Variants in F5 observed in about 807,000 individuals in gnomAD.
The protein encoded by F5 is activated protein c cofactor.
Under a neutral mutation model 216.4 loss-of-function variants are expected in F5, and 138 were observed. The ratio of observed to expected loss-of-function variants is 0.64; its 90% CI spans 0.56 to 0.73. F5 has a LOEUF of 0.73. Among genes scored for constraint, F5 ranks in the 30% least tolerant of loss-of-function variants. The pLI, the probability that F5 is intolerant of heterozygous loss-of-function variation, is 0.00. For missense variants in F5, 2,403 were observed against 2,674.0 expected (o/e 0.90, Z 2.24); for synonymous variants, 916 against 930.7 (o/e 0.98, Z 0.29).
chr1:169,521,667 C>T (rs1475065810), intron 21 of F5, among the ~76,000 whole-genome samples: 1 of 140,058 alleles, frequency 7.1e-6, no homozygotes, highest in Non-Finnish European at 1.5e-5. Flanking sequence ...CGTCACCAGG[C>T]TGGAGTGCAG....
At chr1:169,516,903 C>G (rs966751) in intron 23 of F5, among the ~76,000 whole-genome samples, 8,201 of 152,082 alleles carry the variant, frequency 0.054, 348 homozygotes, top group Admixed American at 0.1. Flanking sequence ...CTTGTTATAT[C>G]ACAAAGACTA....
chr1:169,557,860 A>G lies in F5; in HGVS notation c.731-993T>C, dbSNP rs566566000. On this transcript the variant is annotated intron_variant, in intron 5 of 24. Transcript: ENST00000367797. ...GCTTATATTGAGTTCAGCAATTAAC[A>G]TATCTGTGTTAGCATTTATCATATG... Among the ~76,000 whole-genome samples, 27 of 152,262 alleles carry G rather than the reference A, an allele frequency of 1.8e-4. 1 individual carries two copies. Among genetic ancestry groups the G allele is most frequent in the Admixed American group, 1.2e-3 (19 of 15,296 alleles).
At chr1:169,552,823 C>A in intron 7 of F5, 89 bp from the exon 8 acceptor site, 1 of 955,388 alleles carries the variant, frequency 1.0e-6, no homozygotes, top group East Asian at 2.4e-5. Flanking sequence ...ACATTCTGCT[C>A]TTAGATTAGC....
chr1:169,523,139 T>C, intron 21 of F5, 58 bp downstream of exon 21: 2 of 1,585,778 alleles, frequency 1.3e-6, no homozygotes, highest in Non-Finnish European at 8.7e-7. Context: ...GGTATAGTCA[T>C]AATAATTCTA....
At chr1:169,527,577 T>C (rs1354073750) in intron 17 of F5, among the ~76,000 whole-genome samples, 1 of 152,176 alleles carries the variant, frequency 6.6e-6, no homozygotes, top group Non-Finnish European at 1.5e-5. Flanking sequence ...CCAGCAGAGA[T>C]AGCTGTAGCT....
intron 14 of F5, among the ~76,000 whole-genome samples, chr1:169,533,086 C>A (rs1027624983): frequency 1.3e-5 from 2 of 151,952 alleles, no homozygotes; most frequent in African/African-American, 4.8e-5. Context: ...CACTTACAAC[C>A]ACCTGAACTT....
intron 14 of F5, among the ~76,000 whole-genome samples, chr1:169,532,889 T>C (rs1659622216): frequency 6.6e-6 from 1 of 152,142 alleles, no homozygotes; most frequent in Non-Finnish European, 1.5e-5. Flanking sequence ...CTAAAATTCA[T>C]ATGGAATCAA....
chr1:169,540,928 G>C lies in F5; in HGVS notation c.4162C>G (p.Leu1388Val). Residue 1388 changes from leucine to valine, a missense_variant, in exon 13 of 25, where the codon CTC (leucine) becomes GTC (valine). Coordinates refer to ENST00000367797, the MANE Select transcript of F5 (RefSeq NM_000130.5). Reference protein sequence around the residue: ...ELSQTNLSPDLSEMPLFADLS... With the variant: ...ELSQTNLSPDVSEMPLFADLS... ...TCTGCAAAGAGGGGCATCTCACTGA[G>C]GTCTGGGGAAAGGTTTGTCTGACTG... 1.2e-6 allele frequency: 2 copies of C among 1,614,134 alleles called. No homozygotes were observed. The highest frequency in any genetic ancestry group is 3.3e-5 in the Admixed American group (2 of 60,008).
chr1:169,559,894 C>T (rs6699691), intron 4 of F5, among the ~76,000 whole-genome samples: 48,821 of 151,668 alleles, frequency 0.32, 10,408 homozygotes, highest in East Asian at 0.65. Flanking sequence ...GTAGGTATGG[C>T]CTGAGCGTGT....
At chr1:169,585,667 A>G (rs1264768976) in intron 1 of F5, among the ~76,000 whole-genome samples, 2 of 152,244 alleles carry the variant, frequency 1.3e-5, no homozygotes, top group Non-Finnish European at 2.9e-5. Flanking sequence ...TAAGTCAAAT[A>G]TGAAGCAGAA....
intron 5 of F5, 136 bp downstream of exon 5, chr1:169,559,017 G>A (rs1571589052): frequency 4.8e-5 from 39 of 811,512 alleles, no homozygotes; most frequent in Middle Eastern, 3.5e-4. Context: ...AAAAAAAAAA[G>A]AGAAAATATT....
chr1:169,514,182 T>C lies in F5; in HGVS notation c.*131A>G, dbSNP rs554012913. ...TATAAAAGCTTCTTGTATAAAATTT[T>C]ATTCACTAATAGAAAAGAAAGAGAA... is the stretch of plus-strand genomic sequence containing the variant. On this transcript the variant is annotated 3_prime_UTR_variant, in exon 25 of 25. Coordinates refer to ENST00000367797, the MANE Select transcript of F5 (RefSeq NM_000130.5). The C allele has an allele frequency of 2.0e-5, 19 of 928,284 alleles. No individual in the cohort carries two copies. The South Asian group carries it at 2.9e-4, about 14-fold the overall frequency. The allele number at this position is 928,284 out of a possible 1,614,324, so 57.5% of individuals were successfully genotyped here.
intron 13 of F5, 24 bp from the exon 14 acceptor site, chr1:169,536,704 T>C: frequency 6.3e-7 from 1 of 1,579,462 alleles, no homozygotes; most frequent in Non-Finnish European, 8.7e-7. Context: ...ACTATTTGTG[T>C]AAAAGAAGAA....
At chr1:169,575,127 T>C (rs1466380031) in intron 2 of F5, among the ~76,000 whole-genome samples, 1 of 152,166 alleles carries the variant, frequency 6.6e-6, no homozygotes, top group Admixed American at 6.5e-5. Flanking sequence ...TCTAGTCCAA[T>C]TGGAGGTGAG....
chr1:169,514,664 C>T (rs1029033748), intron 24 of F5, among the ~76,000 whole-genome samples: 3 of 152,050 alleles, frequency 2.0e-5, no homozygotes, highest in Admixed American at 6.6e-5. Context: ...CATGAGCCAT[C>T]ATGCCCAACC....
In F5 at chr1:169,514,005, A is replaced by G. The variant is rs1175210422; in HGVS notation, c.*308T>C. On this transcript the variant is annotated 3_prime_UTR_variant, in exon 25 of 25. Transcript: ENST00000367797. ...GGATTTAAAAGAGTTATAATGAAGC[A>G]TTTTAACTACATAAATATTACTTCA... is the stretch of plus-strand genomic sequence containing the variant. 6.6e-6 allele frequency among the ~76,000 whole-genome samples: 1 copy of G among 152,168 alleles called. No homozygotes were observed. The highest frequency in any genetic ancestry group is 1.5e-5 in the Non-Finnish European group (1 of 68,016).
chr1:169,574,870 A>G (rs988411239), intron 2 of F5, among the ~76,000 whole-genome samples: 13 of 152,186 alleles, frequency 8.5e-5, no homozygotes, highest in African/African-American at 3.1e-4. Context: ...AATGAATATC[A>G]AGTGCCTATA....
At chr1:169,526,629 G>C (rs1020300500) in intron 17 of F5, among the ~76,000 whole-genome samples, 2 of 151,976 alleles carry the variant, frequency 1.3e-5, no homozygotes, top group Non-Finnish European at 2.9e-5. Context: ...CAGATTGTGG[G>C]TGAAAATGAA....
Position 169,523,323 on chromosome 1 carries a change from T to C in F5, c.5922A>G (p.Thr1974=). The C allele has an allele frequency of 6.2e-7, 1 of 1,614,074 alleles. No individual in the cohort carries two copies. The highest frequency in any genetic ancestry group is 8.5e-7 in the Non-Finnish European group (1 of 1,179,958). ...GTTTGGCACCTTGGGTCTGGATCCC[T>C]GTGATTATGACTTCCTTTTGCATGT... is the stretch of plus-strand genomic sequence containing the variant. ...QVDMQKEVII[T]GIQTQGAKHY... Residue 1974 remains threonine, a synonymous_variant, in exon 21 of 25, where the codon ACA becomes ACG. Transcript: ENST00000367797.
Sources: gnomAD v4.1 joint callset for allele counts (sites outside exome capture counted in the v4.1 genomes callset) on GRCh38, gnomAD v4.1.1 for gene constraint, MANE v1.5 for transcripts, NCBI Gene and HGNC (gene_info 2026-07-23, HGNC 2026-07-21) for gene names.